The following HSPA12B variants were observed in gnomAD, a reference collection of about 807,000 sequenced individuals.
HSPA12B encodes heat shock protein family A (Hsp70) member 12B.
Under a neutral mutation model 69.3 loss-of-function variants are expected in HSPA12B, and 54 were observed. That is an observed-to-expected ratio of 0.78 (90% CI 0.63 to 0.98). The LOEUF is 0.98. Among genes scored for constraint, HSPA12B ranks in the 50% least tolerant of loss-of-function variants. HSPA12B has a pLI of 0.00. For missense variants in HSPA12B, 929 were observed against 999.8 expected (o/e 0.93, Z 0.96); for synonymous variants, 441 against 436.5 (o/e 1.01, Z -0.13).
At chr20:3,735,513 T>G (rs2088096145) in intron 1 of HSPA12B, among the ~76,000 whole-genome samples, 1 of 151,096 alleles carries the variant, frequency 6.6e-6, no homozygotes, top group Non-Finnish European at 1.5e-5. Context: ...TCGCCCAGGC[T>G]GGAGTGCAAT....
In HSPA12B at chr20:3,751,525, C is replaced by T. The variant is rs765086384; in HGVS notation, c.1420C>T (p.Arg474Trp). ...CTGTCCCGCAGAGGCCCTGCTGGCA[C>T]GGCCGGAGGTGCAGGGTGTGAAGCT... is the stretch of plus-strand genomic sequence containing the variant. The part of the protein sequence containing the change: ...IIQHIEALLA[R>W]PEVQGVKLLF... The change falls in exon 13 of 13, where the codon CGG becomes TGG. Residue 474 changes from arginine (R) to tryptophan (W), a missense_variant. By Grantham distance (101) the Arg-to-Trp change is moderately radical. Around this residue, in one of 3 missense-constraint regions of HSPA12B, gnomAD observed 448 missense variants for 448.1 expected, o/e 1.00. Coordinates refer to ENST00000254963, the MANE Select transcript of HSPA12B (RefSeq NM_052970.5). The T allele has an allele frequency of 2.8e-6, 4 of 1,443,246 alleles. No individual in the cohort carries two copies. In the East Asian group the frequency reaches 7.7e-5, roughly 28 times the overall value. 89.4% of individuals were successfully genotyped at this position (1,443,246 alleles called of 1,614,324 possible).
intron 3 of HSPA12B, 58 bp from the exon 4 acceptor site, chr20:3,742,226 G>C: frequency 1.3e-6 from 2 of 1,596,928 alleles, no homozygotes; most frequent in Non-Finnish European, 1.7e-6. Context: ...CATTGGGGCT[G>C]TGGGGGATGG....
Position 3,745,469 on chromosome 20 carries a change from A to G in HSPA12B, c.454-24A>G. The stretch of plus-strand genomic sequence containing the variant: ...TGAGTGCCAAGCTGAGGCCTCCTGC[A>G]GAGCCGCCCTGTGTCCCTGCCAGGA... On this transcript the variant is annotated intron_variant, in intron 5 of 12. Transcript: ENST00000254963. This position sits in a 1 kb window ranked among gnomAD's most constrained non-coding sequence, Gnocchi z 5.6. The G allele has an allele frequency of 6.3e-7, 1 of 1,579,860 alleles. No individual in the cohort carries two copies. The highest frequency in any genetic ancestry group is 8.7e-7 in the Non-Finnish European group (1 of 1,148,766).
Position 3,738,713 on chromosome 20 carries a change from C to T in HSPA12B, c.39C>T (p.Tyr13=), listed in dbSNP as rs759817578. 2.7e-5 allele frequency: 44 copies of T among 1,614,040 alleles called. No homozygotes were observed. The highest frequency in any genetic ancestry group is 5.9e-6 in the Non-Finnish European group (7 of 1,180,030). ...AVPEMGLQGL[Y]IGSSPERSPV... ...CGGAGATGGGCCTGCAGGGGCTGTA[C>T]ATCGGTAAGAACCCCCACCATTCTG... The change falls in exon 2 of 13, where the codon TAC becomes TAT. Residue 13 remains tyrosine (Y), a synonymous_variant. Transcript: ENST00000254963.
rs1422247997 is a variant in HSPA12B, at chr20:3,737,958, GTGCCACTGCA to G, written c.-17-698_-17-689del. On this transcript the variant is annotated intron_variant, in intron 1 of 12. Transcript: ENST00000254963. The surrounding 1 kb of genome is among the most constrained non-coding windows in gnomAD (Gnocchi z 4.1). ...GCAGAGGTTGCAGTGAGCCAAGATC[GTGCCACTGCA>G]TTCCAGCCTGGGCAACAGAGTGAGA... Among the ~76,000 whole-genome samples the G allele has an allele frequency of 6.6e-6, 1 of 152,228 alleles. No homozygotes were observed. The highest frequency in any genetic ancestry group is 1.9e-4 in the East Asian group (1 of 5,180).
rs1427169649 is a variant in HSPA12B at position 3,740,018 on chromosome 20, C to CG, written c.44-793dup. Among the ~76,000 whole-genome samples, 27 of 152,188 alleles carry CG rather than the reference C, an allele frequency of 1.8e-4. No homozygotes were observed. The highest frequency in any genetic ancestry group is 6.0e-4 in the African/African-American group (25 of 41,450). ...CCTGCCCCATAAGCCGCCTGATCCT[C>CG]GGGGCGAGGCCTGGGGCTGTCCTCC... On this transcript the variant is annotated intron_variant, in intron 2 of 12. Coordinates refer to ENST00000254963, the MANE Select transcript of HSPA12B (RefSeq NM_052970.5). The surrounding 1 kb of genome is among the most constrained non-coding windows in gnomAD (Gnocchi z 4.9).
intron 3 of HSPA12B, among the ~76,000 whole-genome samples, chr20:3,741,729 G>A (rs904584792): frequency 6.6e-6 from 1 of 152,186 alleles, no homozygotes; most frequent in Non-Finnish European, 1.5e-5. Flanking sequence ...TTGCCCTGGT[G>A]ATCCAGCTTA....
intron 2 of HSPA12B, among the ~76,000 whole-genome samples, chr20:3,739,316 G>T (rs945325967): frequency 1.3e-5 from 2 of 152,082 alleles, no homozygotes; most frequent in Non-Finnish European, 2.9e-5. Context: ...CTGCGGGCAG[G>T]TCTCTGTGCA....
Position 3,746,591 on chromosome 20 carries a change from C to T in HSPA12B, c.675+560C>T, listed in dbSNP as rs6076551. On this transcript the variant is annotated intron_variant, in intron 7 of 12. Transcript: ENST00000254963. ...TGCTGGGATTACAGGCGTGAGCCAC[C>T]GCGCCCGGCCAAGATGGAGAGTCTT... 6.6e-3 allele frequency among the ~76,000 whole-genome samples: 997 copies of T among 151,856 alleles called. 3 individuals carry two copies. Among genetic ancestry groups the T allele is most frequent in the Non-Finnish European group, 0.01 (689 of 67,922 alleles).
intron 11 of HSPA12B, 128 bp from the exon 12 acceptor site, chr20:3,750,676 C>T (rs2088401450): frequency 1.3e-6 from 2 of 1,567,492 alleles, no homozygotes; most frequent in Admixed American, 3.5e-5. Flanking sequence ...CCTCCAGACA[C>T]CACGTGCAGT....
chr20:3,736,199 G>A (rs1052534445), intron 1 of HSPA12B, among the ~76,000 whole-genome samples: 1 of 152,116 alleles, frequency 6.6e-6, no homozygotes, highest in Admixed American at 6.6e-5. Context: ...CTGGGCTCTG[G>A]GCTCCTGCCC....
chr20:3,748,441 C>G, intron 8 of HSPA12B, 50 bp downstream of exon 8: 1 of 1,424,896 alleles, frequency 7.0e-7, no homozygotes, highest in Non-Finnish European at 9.2e-7. Context: ...CAGAGGGTCA[C>G]TGAAGCCAGA....
Position 3,737,353 on chromosome 20 carries a change from T to C in HSPA12B, c.-17-1305T>C, listed in dbSNP as rs1402691039. Among the ~76,000 whole-genome samples the C allele has an allele frequency of 6.6e-6, 1 of 152,154 alleles. No homozygotes were observed. The highest frequency in any genetic ancestry group is 1.5e-5 in the Non-Finnish European group (1 of 68,030). ...TTCAGCTTTAGCGCCCTCCAACTAC[T>C]GCCCTCACATGTATTCCTGATTTCA... On this transcript the variant is annotated intron_variant, in intron 1 of 12. Transcript: ENST00000254963. This position sits in a 1 kb window ranked among gnomAD's most constrained non-coding sequence, Gnocchi z 4.1.
chr20:3,735,570 A>G (rs2146551086), intron 1 of HSPA12B, among the ~76,000 whole-genome samples: 1 of 151,372 alleles, frequency 6.6e-6, no homozygotes, highest in South Asian at 2.1e-4. Context: ...GGTTCAAACG[A>G]TTCTCCTGCC....
chr20:3,743,371 T>G, intron 4 of HSPA12B, among the ~76,000 whole-genome samples: 1 of 151,942 alleles, frequency 6.6e-6, no homozygotes, highest in East Asian at 1.9e-4. Flanking sequence ...AAAAAAATTT[T>G]TTTTTGGAGA....
chr20:3,752,354 A>ATC lies in HSPA12B; in HGVS notation c.*189_*190insCT. 2 of 546,444 alleles carry ATC rather than the reference A, an allele frequency of 3.7e-6. No homozygotes were observed. The highest frequency in any genetic ancestry group is 6.0e-6 in the Non-Finnish European group (2 of 334,296). 33.8% of individuals were successfully genotyped at this position (546,444 alleles called of 1,614,324 possible). A position where few individuals can be genotyped will look rare whatever the true frequency, so the allele number is the denominator to read the frequency against. On this transcript the variant is annotated 3_prime_UTR_variant, in exon 13 of 13. Coordinates refer to ENST00000254963, the MANE Select transcript of HSPA12B (RefSeq NM_052970.5). ...GACACACCCAGAGACTGGCTTTGGG[A>ATC]TTGGGCACTGGTCCGCTGACTGCCA...
rs1600322080 is a variant in HSPA12B at position 3,745,790 on chromosome 20, C to T, written c.559-125C>T. On this transcript the variant is annotated intron_variant, in intron 6 of 12. Transcript: ENST00000254963. This position sits in a 1 kb window ranked among gnomAD's most constrained non-coding sequence, Gnocchi z 5.6. ...CCAAGCCATACTGATGGGAGGGGGG[C>T]CGATTCTTCCAGCTCTGCTGGGAAG... 5 of 1,002,594 alleles carry T rather than the reference C, an allele frequency of 5.0e-6. No individual in the cohort carries two copies. The highest frequency in any genetic ancestry group is 4.8e-5 in the East Asian group (2 of 42,084). The allele number at this position is 1,002,594 out of a possible 1,614,324, so 62.1% of individuals were successfully genotyped here. A position where few individuals can be genotyped will look rare whatever the true frequency, so the allele number is the denominator to read the frequency against.
At chr20:3,736,417 G>A (rs769018316) in intron 1 of HSPA12B, among the ~76,000 whole-genome samples, 99 of 152,260 alleles carry the variant, frequency 6.5e-4, no homozygotes, top group Non-Finnish European at 1.8e-4. Context: ...ACATACAAGA[G>A]TGTGTGGGAG....
rs533453673 is a variant in HSPA12B, at chr20:3,744,884, T to C, written c.267-18T>C. 4 of 1,609,666 alleles carry C rather than the reference T, an allele frequency of 2.5e-6. No individual in the cohort carries two copies. In the East Asian group the frequency reaches 6.7e-5, roughly 27 times the overall value. ...CCCAAGAAGGGAGGGTTGCACTGAC[T>C]GCCCTGTGCCTCCGCAGGAAATGGG... On this transcript the variant is annotated intron_variant, in intron 4 of 12. Coordinates refer to ENST00000254963, the MANE Select transcript of HSPA12B (RefSeq NM_052970.5). The surrounding 1 kb of genome is among the most constrained non-coding windows in gnomAD (Gnocchi z 4.9).
Sources: allele counts gnomAD v4.1 joint callset (sites outside exome capture counted in the v4.1 genomes callset), GRCh38; gene constraint gnomAD v4.1.1; regional missense constraint gnomAD v4.1.1; non-coding constraint Gnocchi (gnomAD v3.1); transcripts MANE v1.5; gene names NCBI Gene and HGNC (gene_info 2026-07-23, HGNC 2026-07-21).